Variants in BOD1L1 observed in about 807,000 individuals in gnomAD.
BOD1L1 encodes biorientation of chromosomes in cell division 1 like 1.
A neutral mutation model predicts 240.7 loss-of-function variants in BOD1L1; 86 were observed. The ratio of observed to expected loss-of-function variants is 0.36; its 90% CI spans 0.30 to 0.43. BOD1L1 has a LOEUF of 0.43. BOD1L1 is among the 20% of genes least tolerant of loss of function. The probability of loss-of-function intolerance (pLI) is 1.00; values close to 1 mark genes in which losing one functional copy is unlikely to be tolerated. For synonymous variants in BOD1L1, 1,268 were observed against 1,272.3 expected, an observed-to-expected ratio of 1.00 and a Z score of 0.07; for missense variants, 3,554 against 3,643.5, an observed-to-expected ratio of 0.98 and a Z score of 0.63.
At position 13,599,708 on chromosome 4, in the gene BOD1L1, G is replaced by T. The variant is rs1387288615; in HGVS notation, c.7192C>A (p.Pro2398Thr). ...GPVRGGKEPG[P>T]VLAVSTEEGH... The stretch of plus-strand genomic sequence containing the variant: ...TCCTCGGTGCTCACTGCCAACACGG[G>T]ACCCGGTTCTTTGCCTCCCCTGACT... The change falls in exon 10 of 26, where the codon CCC (proline) becomes ACC (threonine). Residue 2398 changes from proline (P) to threonine (T), a missense_variant. Physicochemically the swap from Pro to Thr is conservative, Grantham distance 38 (BLOSUM62 -1). Coordinates refer to ENST00000040738, the MANE Select transcript of BOD1L1 (RefSeq NM_148894.3). The T allele has an allele frequency of 6.2e-7, 1 of 1,613,712 alleles. No individual in the cohort carries two copies. The highest frequency in any genetic ancestry group is 1.7e-5 in the Admixed American group (1 of 60,014).
intron 1 of BOD1L1, chr4:13,626,165 A>G (rs1404700270): frequency 1.3e-5 from 2 of 152,276 alleles, no homozygotes; most frequent in African/African-American, 4.8e-5. Context: ...TACTAAAAAT[A>G]CAAAAATTAG....
intron 5 of BOD1L1, among the ~76,000 whole-genome samples, chr4:13,611,765 C>A (rs1190218485): frequency 6.6e-5 from 10 of 152,168 alleles, no homozygotes; most frequent in Non-Finnish European, 2.9e-5. Context: ...TTAAGTTCAA[C>A]AAATCCACTG....
intron 18 of BOD1L1, among the ~76,000 whole-genome samples, 162 bp from the exon 19 acceptor site, chr4:13,582,472 C>A (rs1713313141): frequency 6.6e-6 from 1 of 152,146 alleles, no homozygotes. Context: ...GACTAGTAAA[C>A]AGCACACTTT....
intron 25 of BOD1L1, among the ~76,000 whole-genome samples, chr4:13,574,739 T>C (rs551046759): frequency 1.3e-5 from 2 of 152,286 alleles, no homozygotes; most frequent in East Asian, 1.9e-4. Context: ...TCTATTTATG[T>C]GAGCTGCTCC....
In BOD1L1 at chr4:13,597,096, A is replaced by C; in HGVS notation, c.8019+8T>G. 6.3e-7 allele frequency: 1 copy of C among 1,580,530 alleles called. No homozygotes were observed. The highest frequency in any genetic ancestry group is 2.3e-5 in the East Asian group (1 of 44,090). ...TACAGTTCAGCACAGCTGAATTATA[A>C]GCCATACCTCCATTTTCAAGTTGGC... On this transcript the variant is annotated splice_region_variant and intron_variant, in intron 11 of 25. Transcript: ENST00000040738.
intron 13 of BOD1L1, 122 bp from the exon 14 acceptor site, chr4:13,590,568 G>A: frequency 1.7e-5 from 8 of 467,910 alleles, no homozygotes; most frequent in South Asian, 3.8e-5. Context: ...AAGGAATTGG[G>A]GTACATATTC....
At chr4:13,611,296 G>A (rs1716152795) in intron 5 of BOD1L1, among the ~76,000 whole-genome samples, 196 bp from the exon 6 acceptor site, 1 of 152,076 alleles carries the variant, frequency 6.6e-6, no homozygotes, top group Non-Finnish European at 1.5e-5. Context: ...ACATAAATAA[G>A]ACAAAGAAAA....
intron 22 of BOD1L1, among the ~76,000 whole-genome samples, chr4:13,578,537 T>C (rs1712964907): frequency 6.6e-6 from 1 of 152,178 alleles, no homozygotes; most frequent in South Asian, 2.1e-4. Context: ...AATAAGGATA[T>C]ATAACTGGTA....
In BOD1L1 at chr4:13,582,645, T is replaced by C; in HGVS notation, c.8518+7A>G. 2.5e-6 allele frequency: 4 copies of C among 1,600,620 alleles called. No individual in the cohort carries two copies. Among genetic ancestry groups the C allele is most frequent in the East Asian group, 4.5e-5 (2 of 44,822 alleles). ...AGTCAATTTACCCAAGCAGATATTT[T>C]ACTCACCTTTTTCTTCCATGACCCT... On this transcript the variant is annotated splice_region_variant and intron_variant, in intron 18 of 25. Coordinates refer to ENST00000040738, the MANE Select transcript of BOD1L1 (RefSeq NM_148894.3).
rs561123670 is a variant in BOD1L1, at chr4:13,602,542, T to A, written c.4358A>T (p.Glu1453Val). The change falls in exon 10 of 26, where the codon GAA (glutamate) becomes GTA (valine). Residue 1453 changes from glutamate to valine, a missense_variant. Transcript: ENST00000040738. The part of the protein sequence containing the change: ...VVGLNTEKYA[E>V]TVKLKHKRSP... ...TCTTTTATGCTTAAGTTTGACAGTTTCAGCATATTTTTCTGTATTCAGGCC... is the reference window on the plus strand; with the variant it reads ...TCTTTTATGCTTAAGTTTGACAGTTACAGCATATTTTTCTGTATTCAGGCC... The A allele has an allele frequency of 6.2e-7, 1 of 1,614,046 alleles. No individual in the cohort carries two copies. The highest frequency in any genetic ancestry group is 2.2e-5 in the East Asian group (1 of 44,890).
At chr4:13,588,864 G>A in intron 14 of BOD1L1, 72 bp from the exon 15 acceptor site, 1 of 1,125,224 alleles carries the variant, frequency 8.9e-7, no homozygotes, top group Non-Finnish European at 1.3e-6. Flanking sequence ...TTAGGTATGT[G>A]TTAGGGGGCT....
intron 2 of BOD1L1, among the ~76,000 whole-genome samples, chr4:13,616,974 T>C (rs770929156): frequency 4.6e-5 from 7 of 152,148 alleles, no homozygotes; most frequent in Non-Finnish European, 1.0e-4. Flanking sequence ...GGACCGGGCA[T>C]GGTGGCTCAC....
intron 8 of BOD1L1, 147 bp downstream of exon 8, chr4:13,608,383 T>C: frequency 1.7e-6 from 1 of 593,634 alleles, no homozygotes. Flanking sequence ...AACATTTTGA[T>C]ACTAAATATG....
At chr4:13,592,249 G>A (rs1714276605) in intron 12 of BOD1L1, 1 of 326,722 alleles carries the variant, frequency 3.1e-6, no homozygotes, top group South Asian at 6.6e-5. Context: ...AACTATGTTG[G>A]TGATCTGAAG....
Position 13,601,788 on chromosome 4 carries a change from A to C in BOD1L1, c.5112T>G (p.Ser1704Arg). The C allele has an allele frequency of 6.2e-7, 1 of 1,613,798 alleles. No homozygotes were observed. Among genetic ancestry groups the C allele is most frequent in the Non-Finnish European group, 8.5e-7 (1 of 1,179,864 alleles). ...GTEIRAGSISSEEVDGSQGNM... is the reference protein window; with the variant it reads ...GTEIRAGSISREEVDGSQGNM... ...TTCCCTGGGAGCCATCCACCTCTTC[A>C]CTGCTTATAGATCCTGCTCTTATCT... The change falls in exon 10 of 26, where the codon AGT (serine) becomes AGG (arginine). Residue 1704 changes from serine to arginine, a missense_variant. Transcript: ENST00000040738.
In BOD1L1 at chr4:13,607,125, T is replaced by C. The variant is rs745883195; in HGVS notation, c.1807A>G (p.Thr603Ala). 1.1e-5 allele frequency: 17 copies of C among 1,562,254 alleles called. 1 individual carries two copies. The highest frequency in any genetic ancestry group is 6.1e-6 in the Non-Finnish European group (7 of 1,152,594). Residue 603 changes from threonine (T) to alanine (A), a missense_variant, in exon 9 of 26, where the codon ACA (threonine) becomes GCA (alanine). Physicochemically the swap from Thr to Ala is moderately conservative, Grantham distance 58. Coordinates refer to ENST00000040738, the MANE Select transcript of BOD1L1 (RefSeq NM_148894.3). ...YEEDSKETLK[T>A]SEHCEKEKIS... is the part of the protein sequence containing the mutation. ...GTTTTATTAAGGCATACCTCACTTG[T>C]TTTAAGGGTTTCTTTGGAATCTTCT... is the stretch of plus-strand genomic sequence containing the variant.
chr4:13,605,115 A>C (rs1166103287), intron 9 of BOD1L1, 31 bp from the exon 10 acceptor site: 1 of 1,448,998 alleles, frequency 6.9e-7, no homozygotes, highest in Non-Finnish European at 9.1e-7. Context: ...AAATATGAGA[A>C]ATACCAAAAT....
rs1308081753 is a variant in BOD1L1 at position 13,569,876 on chromosome 4, G to GA, written c.*134dup. On this transcript the variant is annotated 3_prime_UTR_variant, in exon 26 of 26. Transcript: ENST00000040738. ...TATAAAGCTGTTTAAAACATAACAA[G>GA]AAAAAGCTTGCACCTAGGGACTTAC... 1 of 481,666 alleles carries GA rather than the reference G, an allele frequency of 2.1e-6. No homozygotes were observed. Among genetic ancestry groups the GA allele is most frequent in the Non-Finnish European group, 3.5e-6 (1 of 282,396 alleles). The allele number at this position is 481,666 out of a possible 1,614,324, so 29.8% of individuals were successfully genotyped here.
intron 10 of BOD1L1, among the ~76,000 whole-genome samples, chr4:13,597,795 A>C (rs1714742652): frequency 6.6e-6 from 1 of 152,190 alleles, no homozygotes; most frequent in South Asian, 2.1e-4. Context: ...TGGAGCATTC[A>C]ATTTACTCCA....
Sources: allele counts gnomAD v4.1 joint callset (sites outside exome capture counted in the v4.1 genomes callset), GRCh38; gene constraint gnomAD v4.1.1; transcripts MANE v1.5; gene names NCBI Gene and HGNC (gene_info 2026-07-23, HGNC 2026-07-21).